The following CFAP20DC variants were observed in gnomAD, a reference collection of about 807,000 sequenced individuals.
CFAP20DC encodes protein CFAP20DC.
CFAP20DC carries 84 observed loss-of-function variants against 101.7 expected under a neutral mutation model. That is an observed-to-expected ratio of 0.83 (90% CI 0.69 to 0.99). The LOEUF is 0.99. Ranked by LOEUF, CFAP20DC falls within the 50% of genes least tolerant of loss-of-function variation. The pLI is 0.00. For missense variants in CFAP20DC, 1,007 were observed against 970.3 expected (o/e 1.04, Z -0.50); for synonymous variants, 359 against 351.2 (o/e 1.02, Z -0.25).
chr3:58,735,696 T>C (rs2067737424), intron 3 of CFAP20DC, among the ~76,000 whole-genome samples: 1 of 152,178 alleles, frequency 6.6e-6, no homozygotes, highest in African/African-American at 2.4e-5. Flanking sequence ...GGCAGCAGCA[T>C]ATCTTAGAGT....
chr3:58,735,730 C>T (rs1414031574), intron 3 of CFAP20DC, among the ~76,000 whole-genome samples: 1 of 152,056 alleles, frequency 6.6e-6, no homozygotes, highest in Non-Finnish European at 1.5e-5. Flanking sequence ...AATGTGCAGT[C>T]AATGCTGACA....
intron 15 of CFAP20DC, among the ~76,000 whole-genome samples, chr3:58,803,460 A>AG: frequency 6.6e-6 from 1 of 152,334 alleles, no homozygotes; most frequent in East Asian, 1.9e-4. Flanking sequence ...TCTATATTTT[A>AG]GGGTCTAAAG....
At chr3:58,784,221 C>A (rs553704411) in intron 15 of CFAP20DC, among the ~76,000 whole-genome samples, 2 of 152,086 alleles carry the variant, frequency 1.3e-5, no homozygotes, top group Admixed American at 1.3e-4. Context: ...GGATAATGAC[C>A]TCCAGCTGCA....
chr3:58,781,989 C>T (rs1248398844), intron 15 of CFAP20DC, among the ~76,000 whole-genome samples: 1 of 151,910 alleles, frequency 6.6e-6, no homozygotes, highest in Non-Finnish European at 1.5e-5. Flanking sequence ...AAACTAGAGG[C>T]CAATATCCGT....
chr3:58,796,865 TTCTA>T (rs1247323315), intron 15 of CFAP20DC, among the ~76,000 whole-genome samples: 16 of 152,182 alleles, frequency 1.1e-4, no homozygotes, highest in African/African-American at 3.6e-4. Context: ...TTCATTACTG[TTCTA>T]TCTGTTACGG....
At chr3:58,889,230 G>A (rs1050864086) in intron 6 of CFAP20DC, among the ~76,000 whole-genome samples, 1 of 152,184 alleles carries the variant, frequency 6.6e-6, no homozygotes, top group South Asian at 2.1e-4. Context: ...ACTGAACTGG[G>A]CAGCGTAGTT....
At chr3:58,949,583 G>A (rs2089827924) in intron 4 of CFAP20DC, among the ~76,000 whole-genome samples, 1 of 152,100 alleles carries the variant, frequency 6.6e-6, no homozygotes, top group East Asian at 1.9e-4. Flanking sequence ...TTTCCATGTA[G>A]TTGAGGTTTT....
Position 58,892,092 on chromosome 3 carries a change from A to C in CFAP20DC, c.551-7383T>G, listed in dbSNP as rs886169451. Among the ~76,000 whole-genome samples the C allele has an allele frequency of 6.6e-6, 1 of 152,106 alleles. No homozygotes were observed. The highest frequency in any genetic ancestry group is 2.4e-5 in the African/African-American group (1 of 41,414). ...CAGCATCATTTATTGAACAGGGAGT[A>C]TTTTCCCCATTCATTGATTTTGTCA... is the stretch of plus-strand genomic sequence containing the variant. On this transcript the variant is annotated intron_variant, in intron 6 of 16. Transcript: ENST00000482387. The surrounding 1 kb of genome is among the most constrained non-coding windows in gnomAD (Gnocchi z 4.0).
Position 58,742,541 on chromosome 3 carries a change from C to T in CFAP20DC, c.2364G>A (p.Glu788=). The T allele has an allele frequency of 4.4e-6, 7 of 1,606,712 alleles. No homozygotes were observed. Among genetic ancestry groups the T allele is most frequent in the Non-Finnish European group, 6.0e-6 (7 of 1,176,438 alleles). Residue 788 remains glutamate, a synonymous_variant, in exon 17 of 17, where the codon GAG becomes GAA. Coordinates refer to ENST00000482387, the MANE Select transcript of CFAP20DC (RefSeq NM_001394063.1). ...GEEDLSVEED[E]EVLTLLYDPC... The stretch of plus-strand genomic sequence containing the variant: ...GGTCATACAACAAAGTCAGTACTTC[C>T]TCGTCCTCTTCCACACTGAGGTCTT...
At chr3:58,751,515 G>C (rs577872340) in intron 16 of CFAP20DC, among the ~76,000 whole-genome samples, 2 of 152,106 alleles carry the variant, frequency 1.3e-5, no homozygotes, top group African/African-American at 4.8e-5. Flanking sequence ...AGAGGGGGCC[G>C]GCTGAGGGCT....
At chr3:58,747,488 C>T (rs2068283296) in intron 16 of CFAP20DC, among the ~76,000 whole-genome samples, 1 of 152,136 alleles carries the variant, frequency 6.6e-6, no homozygotes, top group African/African-American at 2.4e-5. Context: ...TGATGTGGCA[C>T]TAGTTTATCA....
At chr3:58,777,029 T>C (rs2071396307) in intron 15 of CFAP20DC, among the ~76,000 whole-genome samples, 1 of 151,826 alleles carries the variant, frequency 6.6e-6, no homozygotes, top group Admixed American at 6.6e-5. Context: ...TGCCTCCCAT[T>C]CTATTCCTAA....
In CFAP20DC at chr3:58,951,681, C is replaced by T. The variant is rs1393304621; in HGVS notation, c.279-13919G>A. On this transcript the variant is annotated intron_variant, in intron 4 of 16. Transcript: ENST00000482387. ...GACAAAAAACCAAACACCTCATGTT[C>T]TCACTCATAGGTGGGAATTGAACAA... is the stretch of plus-strand genomic sequence containing the variant. Among the ~76,000 whole-genome samples the T allele has an allele frequency of 2.0e-5, 3 of 152,132 alleles. No homozygotes were observed. The East Asian group carries it at 5.8e-4, about 29-fold the overall frequency.
intron 13 of CFAP20DC, among the ~76,000 whole-genome samples, chr3:58,836,925 A>G (rs1225188350): frequency 6.6e-6 from 1 of 152,116 alleles, no homozygotes; most frequent in Non-Finnish European, 1.5e-5. Context: ...AGGATCAGTT[A>G]AAGCTTCATA....
intron 15 of CFAP20DC, among the ~76,000 whole-genome samples, chr3:58,796,902 A>C (rs1208159371): frequency 6.6e-6 from 1 of 152,092 alleles, no homozygotes; most frequent in East Asian, 1.9e-4. Flanking sequence ...GTGATCTTTG[A>C]TGTTACTATC....
At chr3:58,765,490 C>CAAAAAAAA (rs1337049385) in intron 15 of CFAP20DC, among the ~76,000 whole-genome samples, 3 of 81,804 alleles carry the variant, frequency 3.7e-5, no homozygotes, top group Non-Finnish European at 5.0e-5. Flanking sequence ...AAAAAAAAAC[C>CAAAAAAAA]AAAAAAAAAA....
chr3:58,904,563 G>C (rs1576237900), intron 6 of CFAP20DC, among the ~76,000 whole-genome samples: 1 of 152,226 alleles, frequency 6.6e-6, no homozygotes, highest in East Asian at 1.9e-4. Context: ...CTGATTTGGA[G>C]ATGAAAATAG....
chr3:58,898,257 C>A (rs191618627), intron 6 of CFAP20DC, among the ~76,000 whole-genome samples: 3 of 151,950 alleles, frequency 2.0e-5, no homozygotes, highest in South Asian at 2.1e-4. Flanking sequence ...TCATGGCAAC[C>A]ACTGCCTCCC....
chr3:58,952,270 C>A (rs1440923543), intron 4 of CFAP20DC, among the ~76,000 whole-genome samples: 1 of 152,118 alleles, frequency 6.6e-6, no homozygotes, highest in East Asian at 1.9e-4. Context: ...GTGGAAAATA[C>A]CAGAAATAAA....
Sources: gnomAD v4.1 joint callset for allele counts (sites outside exome capture counted in the v4.1 genomes callset) on GRCh38, gnomAD v4.1.1 for gene constraint, Gnocchi (gnomAD v3.1) non-coding constraint, MANE v1.5 for transcripts, NCBI Gene and HGNC (gene_info 2026-07-23, HGNC 2026-07-21) for gene names.